Variants in VPS50 observed in about 807,000 individuals in gnomAD.
The protein encoded by VPS50 is VPS50 subunit of EARP/GARPII complex.
VPS50 carries 70 observed loss-of-function variants against 139.7 expected under a neutral mutation model. The ratio of observed to expected loss-of-function variants is 0.50; its 90% CI spans 0.41 to 0.61. The LOEUF is 0.61. Among genes scored for constraint, VPS50 ranks in the 20% least tolerant of loss-of-function variants. The pLI is 0.00. For missense variants in VPS50, 921 were observed against 1,133.7 expected, an observed-to-expected ratio of 0.81 and a Z score of 2.69; for synonymous variants, 365 against 376.7, an observed-to-expected ratio of 0.97 and a Z score of 0.36.
chr7:93,246,295 C>T (rs937357899), intron 2 of VPS50, among the ~76,000 whole-genome samples: 8 of 151,890 alleles, frequency 5.3e-5, no homozygotes, highest in African/African-American at 1.9e-4. Flanking sequence ...CACACACACA[C>T]ATACACTGCA....
At position 93,282,689 on chromosome 7, in the gene VPS50, T is replaced by G. The variant is rs544046422; in HGVS notation, c.942+6384T>G. Among the ~76,000 whole-genome samples, 8 of 152,356 alleles carry G rather than the reference T, an allele frequency of 5.3e-5. No homozygotes were observed. The South Asian group carries it at 1.7e-3, about 32-fold the overall frequency. Reference sequence around the variant, plus strand: ...GTCATGTTTGGGATGGTAAGGAGGTTAAACGACGTTTCATTGATTGTTGAG... The same window carrying G: ...GTCATGTTTGGGATGGTAAGGAGGTGAAACGACGTTTCATTGATTGTTGAG... On this transcript the variant is annotated intron_variant, in intron 12 of 27. Coordinates refer to ENST00000305866, the MANE Select transcript of VPS50 (RefSeq NM_017667.4).
intron 27 of VPS50, 166 bp downstream of exon 27, chr7:93,356,246 C>T (rs1285075419): frequency 5.2e-6 from 2 of 385,034 alleles, no homozygotes; most frequent in African/African-American, 2.1e-5. Flanking sequence ...AGATTAAGGG[C>T]ACCGTATCTA....
intron 17 of VPS50, among the ~76,000 whole-genome samples, chr7:93,305,185 T>C (rs2116973131): frequency 6.6e-6 from 1 of 152,068 alleles, no homozygotes; most frequent in African/African-American, 2.4e-5. Flanking sequence ...AACTTTGCAC[T>C]GAATCCCTTC....
chr7:93,350,669 G>A (rs1798531047), intron 25 of VPS50, among the ~76,000 whole-genome samples: 1 of 152,036 alleles, frequency 6.6e-6, no homozygotes, highest in Non-Finnish European at 1.5e-5. Context: ...TATAATATCA[G>A]ATGATGAATA....
At chr7:93,326,948 T>C (rs1257957740) in intron 21 of VPS50, among the ~76,000 whole-genome samples, 2 of 152,210 alleles carry the variant, frequency 1.3e-5, no homozygotes, top group Non-Finnish European at 2.9e-5. Flanking sequence ...AGAATGCTAA[T>C]ATGACCAGTG....
In VPS50 at chr7:93,257,381, A is replaced by G; in HGVS notation, c.352-13A>G. ...ATACCTCCAACAATAACCTGTACCTAATCTTCCCATAGGAACTTGAAAGAG... is the reference window on the plus strand; with the variant it reads ...ATACCTCCAACAATAACCTGTACCTGATCTTCCCATAGGAACTTGAAAGAG... On this transcript the variant is annotated splice_polypyrimidine_tract_variant and intron_variant, in intron 5 of 27. Coordinates refer to ENST00000305866, the MANE Select transcript of VPS50 (RefSeq NM_017667.4). 6.6e-7 allele frequency: 1 copy of G among 1,519,882 alleles called. No individual in the cohort carries two copies. Among genetic ancestry groups the G allele is most frequent in the East Asian group, 2.3e-5 (1 of 44,170 alleles). 94.1% of individuals were successfully genotyped at this position (1,519,882 alleles called of 1,614,324 possible). A position where few individuals can be genotyped will look rare whatever the true frequency, so the allele number is the denominator to read the frequency against.
At chr7:93,347,775 A>G (rs1039422258) in intron 23 of VPS50, among the ~76,000 whole-genome samples, 31 of 141,508 alleles carry the variant, frequency 2.2e-4, no homozygotes, top group Middle Eastern at 3.4e-3. Context: ...GAATTGAACA[A>G]TGAGAACACA....
At chr7:93,317,968 C>T (rs746684002) in intron 20 of VPS50, among the ~76,000 whole-genome samples, 1 of 151,260 alleles carries the variant, frequency 6.6e-6, no homozygotes, top group Non-Finnish European at 1.5e-5. Context: ...ATTAAGTTAT[C>T]GTTTAAGAAA....
chr7:93,305,773 T>C (rs1390262443), intron 17 of VPS50, 55 bp from the exon 18 acceptor site: 40 of 1,293,262 alleles, frequency 3.1e-5, no homozygotes, highest in Non-Finnish European at 3.8e-5. Context: ...ATTCGGTTTA[T>C]GTACTAGAAT....
At chr7:93,343,650 C>G (rs1031533873) in intron 23 of VPS50, among the ~76,000 whole-genome samples, 1 of 152,212 alleles carries the variant, frequency 6.6e-6, no homozygotes, top group Non-Finnish European at 1.5e-5. Flanking sequence ...AGAAACTCTA[C>G]AAGCCAGAAG....
chr7:93,248,094 TATTA>T (rs1343075325), intron 2 of VPS50, among the ~76,000 whole-genome samples: 2 of 151,948 alleles, frequency 1.3e-5, no homozygotes, highest in African/African-American at 4.8e-5. Context: ...ACTATGTATT[TATTA>T]ATTATTATGT....
chr7:93,329,856 A>G (rs1218128698), intron 21 of VPS50, among the ~76,000 whole-genome samples: 19 of 152,178 alleles, frequency 1.2e-4, no homozygotes. Flanking sequence ...AAGAACAAAA[A>G]TACTAAGAGA....
intron 12 of VPS50, among the ~76,000 whole-genome samples, chr7:93,278,526 G>A (rs1199768187): frequency 6.6e-6 from 1 of 150,726 alleles, no homozygotes; most frequent in Non-Finnish European, 1.5e-5. Flanking sequence ...GAACCAGGGA[G>A]GTGGAGGTTG....
intron 20 of VPS50, among the ~76,000 whole-genome samples, chr7:93,313,411 C>T (rs1303996437): frequency 3.3e-5 from 5 of 152,066 alleles, no homozygotes; most frequent in East Asian, 1.9e-4. Context: ...TTGCTGTTTA[C>T]GCTGAAGGCA....
chr7:93,348,859 A>G (rs1798477795), intron 24 of VPS50, 52 bp downstream of exon 24: 2 of 1,217,236 alleles, frequency 1.6e-6, no homozygotes, highest in Non-Finnish European at 2.4e-6. Context: ...TAGGACTGTC[A>G]CAGATTATTT....
At chr7:93,268,398 A>G (rs1048368615) in intron 9 of VPS50, among the ~76,000 whole-genome samples, 6 of 152,052 alleles carry the variant, frequency 3.9e-5, no homozygotes, top group African/African-American at 1.4e-4. Context: ...AATGTGTGCC[A>G]TGGTGGTTTG....
At chr7:93,253,409 C>T (rs1449985455) in intron 3 of VPS50, among the ~76,000 whole-genome samples, 1 of 152,194 alleles carries the variant, frequency 6.6e-6, no homozygotes, top group Non-Finnish European at 1.5e-5. Flanking sequence ...AACTGTCACA[C>T]AGTAGTACTT....
intron 21 of VPS50, among the ~76,000 whole-genome samples, chr7:93,328,564 G>A (rs190111036): frequency 8.5e-5 from 13 of 152,288 alleles, no homozygotes; most frequent in Admixed American, 3.3e-4. Context: ...ATTTGAAGAC[G>A]CTGGAGAGTA....
chr7:93,261,453 G>T (rs1400602571), intron 9 of VPS50, among the ~76,000 whole-genome samples: 1 of 151,994 alleles, frequency 6.6e-6, no homozygotes. Flanking sequence ...CGAGGCGGGC[G>T]GATCACGAGG....
Sources: allele counts gnomAD v4.1 joint callset (sites outside exome capture counted in the v4.1 genomes callset), GRCh38; gene constraint gnomAD v4.1.1; transcripts MANE v1.5; gene names NCBI Gene and HGNC (gene_info 2026-07-23, HGNC 2026-07-21).